Variants in HFM1 observed in about 807,000 individuals in gnomAD.
HFM1 encodes the protein helicase for meiosis 1, also known as probable ATP-dependent DNA helicase HFM1.
In HFM1, 169 loss-of-function variants were observed where a neutral mutation model predicts 192.1. The observed-to-expected ratio is 0.88, with a 90% CI of 0.78 to 1.00. The LOEUF (loss-of-function observed/expected upper bound fraction) is 1.00. HFM1 is among the 50% of genes least tolerant of loss of function. The probability of loss-of-function intolerance (pLI) is 0.00; values close to 1 mark genes in which losing one functional copy is unlikely to be tolerated. For missense variants in HFM1, 1,661 were observed against 1,668.0 expected, an observed-to-expected ratio of 1.00 and a Z score of 0.07; for synonymous variants, 525 against 537.8, an observed-to-expected ratio of 0.98 and a Z score of 0.33.
Position 91,392,551 on chromosome 1 carries a change from A to T in HFM1, c.494+1542T>A, listed in dbSNP as rs191960685. On this transcript the variant is annotated intron_variant, in intron 4 of 38. Transcript: ENST00000370425. ...CATAGATGGGAATTGAACAATGAGAACACTTGCATACAGGGTGGGGAACAT... is the reference window on the plus strand; with the variant it reads ...CATAGATGGGAATTGAACAATGAGATCACTTGCATACAGGGTGGGGAACAT... 1.8e-4 allele frequency among the ~76,000 whole-genome samples: 27 copies of T among 152,240 alleles called. No homozygotes were observed. The East Asian group carries it at 5.0e-3, about 28-fold the overall frequency.
At position 91,375,433 on chromosome 1, in the gene HFM1, C is replaced by T; in HGVS notation, c.1610G>A (p.Arg537Lys). ...QKPTLVFCATRKGVQQAASVL... is the reference protein window; with the variant it reads ...QKPTLVFCATKKGVQQAASVL... ...AGAAGCAGCCTGTTGCACACCCTTC[C>T]TTGTTGCACAAAACTGAAAATAAAT... The change falls in exon 13 of 39, where the codon AGG becomes AAG. Residue 537 changes from arginine to lysine, a missense_variant. By Grantham distance (26) the Arg-to-Lys change is conservative (BLOSUM62 2). Coordinates refer to ENST00000370425, the MANE Select transcript of HFM1 (RefSeq NM_001017975.6). The T allele has an allele frequency of 1.9e-6, 3 of 1,613,104 alleles. No individual in the cohort carries two copies. The highest frequency in any genetic ancestry group is 1.7e-4 in the Middle Eastern group (1 of 6,048).
chr1:91,274,674 C>A, intron 33 of HFM1, 56 bp downstream of exon 33: 1 of 875,670 alleles, frequency 1.1e-6, no homozygotes, highest in Non-Finnish European at 1.8e-6. Context: ...TGGTTACCTG[C>A]AGGAACAGAG....
chr1:91,406,205 C>A (rs1182224361), upstream of HFM1, among the ~76,000 whole-genome samples: 1 of 152,238 alleles, frequency 6.6e-6, no homozygotes, highest in Non-Finnish European at 1.5e-5. Flanking sequence ...TCTGCCTGCA[C>A]TGTGATCTTG....
At chr1:91,385,072 T>C (rs1340679671) in intron 6 of HFM1, 115 bp downstream of exon 6, 2 of 736,248 alleles carry the variant, frequency 2.7e-6, no homozygotes, top group East Asian at 2.8e-5. Flanking sequence ...CCAAAAAGAT[T>C]AATTTTTCCC....
chr1:91,367,135 G>A (rs181750533), intron 13 of HFM1, among the ~76,000 whole-genome samples: 100 of 152,270 alleles, frequency 6.6e-4, no homozygotes, highest in Admixed American at 2.3e-3. Context: ...GGAGCGCACC[G>A]CAGCTCAAGG....
At chr1:91,372,468 G>A (rs12566743) in intron 13 of HFM1, among the ~76,000 whole-genome samples, 15,109 of 152,032 alleles carry the variant, frequency 0.099, 793 homozygotes, top group East Asian at 0.16. Context: ...ACTATCATTC[G>A]CAGCAAACTA....
intron 13 of HFM1, among the ~76,000 whole-genome samples, chr1:91,353,894 A>G (rs4658215): frequency 0.19 from 28,846 of 148,236 alleles, 3,573 homozygotes; most frequent in South Asian, 0.35. Flanking sequence ...CTAGTTGTGC[A>G]GACATCAATA....
chr1:91,322,471 A>C (rs190748382), intron 23 of HFM1, among the ~76,000 whole-genome samples: 231 of 152,296 alleles, frequency 1.5e-3, no homozygotes, highest in Admixed American at 2.9e-3. Flanking sequence ...GTTACAGTGT[A>C]ACCTTAATTT....
chr1:91,261,951 C>A (rs1228647670), intron 38 of HFM1, among the ~76,000 whole-genome samples: 1 of 152,126 alleles, frequency 6.6e-6, no homozygotes, highest in Non-Finnish European at 1.5e-5. Context: ...AGTGACTTTA[C>A]CCTTTACAAA....
intron 30 of HFM1, among the ~76,000 whole-genome samples, chr1:91,302,217 T>C (rs1403405087): frequency 6.6e-6 from 1 of 151,086 alleles, no homozygotes; most frequent in Non-Finnish European, 1.5e-5. Context: ...GAAATGCAAA[T>C]CAAAACCACA....
chr1:91,350,602 G>T, intron 18 of HFM1, 136 bp downstream of exon 18: 2 of 652,404 alleles, frequency 3.1e-6, no homozygotes, highest in East Asian at 3.2e-5. Context: ...GTCTCTAAAT[G>T]TATTTGGGAC....
Position 91,314,020 on chromosome 1 carries a change from T to G in HFM1, c.3181A>C (p.Ile1061Leu). The change falls in exon 29 of 39, where the codon ATT (isoleucine) becomes CTT (leucine). Residue 1061 changes from isoleucine (I) to leucine (L), a missense_variant. Coordinates refer to ENST00000370425, the MANE Select transcript of HFM1 (RefSeq NM_001017975.6). ...LLKAGSWAKK[I>L]AVKRALKSED... ...GATTTAAGAGCTCTTTTCACAGCAA[T>G]CTTTTTAGCCCAACTTCCAGCTTTT... 1.2e-6 allele frequency: 2 copies of G among 1,611,196 alleles called. No individual in the cohort carries two copies. Among genetic ancestry groups the G allele is most frequent in the Non-Finnish European group, 1.7e-6 (2 of 1,178,170 alleles).
At chr1:91,329,191 A>T (rs1653426836) in intron 20 of HFM1, 4 of 1,609,850 alleles carry the variant, frequency 2.5e-6, no homozygotes. Context: ...CCTTTGCCAG[A>T]AAATCGGCTC....
intron 20 of HFM1, among the ~76,000 whole-genome samples, chr1:91,333,997 C>A (rs745310328): frequency 5.3e-5 from 8 of 152,110 alleles, no homozygotes; most frequent in Non-Finnish European, 1.0e-4. Context: ...GAGTGGCCTA[C>A]TACAAATAAT....
chr1:91,273,361 CA>C (rs1416068257), intron 34 of HFM1, among the ~76,000 whole-genome samples: 2 of 151,964 alleles, frequency 1.3e-5, no homozygotes, highest in Non-Finnish European at 2.9e-5. Flanking sequence ...GTTTTATAAA[CA>C]TAAAATTATT....
At chr1:91,360,234 T>C (rs562643431) in intron 13 of HFM1, among the ~76,000 whole-genome samples, 21 of 152,202 alleles carry the variant, frequency 1.4e-4, no homozygotes, top group African/African-American at 5.1e-4. Flanking sequence ...AATGCCCCAA[T>C]TAAAAGGCAC....
intron 15 of HFM1, 28 bp from the exon 16 acceptor site, chr1:91,352,679 TGA>T: frequency 6.5e-7 from 1 of 1,537,362 alleles, no homozygotes. Flanking sequence ...ATAGTAATTT[TGA>T]GCCATTTAAC....
chr1:91,309,674 T>C (rs1650152336), intron 30 of HFM1, among the ~76,000 whole-genome samples: 1 of 152,166 alleles, frequency 6.6e-6, no homozygotes, highest in Non-Finnish European at 1.5e-5. Flanking sequence ...GGATAGAAAA[T>C]TAGTGATACT....
Position 91,307,835 on chromosome 1 carries a change from TTTCTTTCTC to T in HFM1, c.3391+5505_3391+5513del, listed in dbSNP as rs373214674. On this transcript the variant is annotated intron_variant, in intron 30 of 38. Coordinates refer to ENST00000370425, the MANE Select transcript of HFM1 (RefSeq NM_001017975.6). ...GTTATTTTCTTTCTCTTTCTTCCTC[TTTCTTTCTC>T]TTCTTTCTCTTCTTTCTTTTTTCAC... 3.4e-3 allele frequency among the ~76,000 whole-genome samples: 517 copies of T among 152,240 alleles called. 2 individuals carry two copies. The highest frequency in any genetic ancestry group is 0.012 in the African/African-American group (478 of 41,550).
Sources: gnomAD v4.1 joint callset for allele counts (sites outside exome capture counted in the v4.1 genomes callset) on GRCh38, gnomAD v4.1.1 for gene constraint, MANE v1.5 for transcripts, NCBI Gene and HGNC (gene_info 2026-07-23, HGNC 2026-07-21) for gene names.